The following SLC25A37 variants were observed in gnomAD, a reference collection of about 807,000 sequenced individuals.
SLC25A37 encodes the protein mitoferrin-1.
In SLC25A37, 17 loss-of-function variants were observed where a neutral mutation model predicts 31.0. That is an observed-to-expected ratio of 0.55 (90% CI 0.38 to 0.82). The LOEUF is 0.82. Ranked by LOEUF, SLC25A37 falls within the 40% of genes least tolerant of loss-of-function variation. The probability of loss-of-function intolerance (pLI) is 0.00; values close to 1 mark genes in which losing one functional copy is unlikely to be tolerated. For synonymous variants in SLC25A37, 222 were observed against 193.0 expected (o/e 1.15, Z -1.24); for missense variants, 404 against 465.8 (o/e 0.87, Z 1.22).
chr8:23,550,995 G>T (rs2978486), intron 1 of SLC25A37, among the ~76,000 whole-genome samples: 93,580 of 152,054 alleles, frequency 0.62, 30,699 homozygotes, highest in Non-Finnish European at 0.75. Flanking sequence ...CTCAGCAGCA[G>T]GGAGGGCCTT....
intron 1 of SLC25A37, among the ~76,000 whole-genome samples, chr8:23,553,754 C>T (rs1454667407): frequency 6.6e-6 from 1 of 152,186 alleles, no homozygotes; most frequent in East Asian, 1.9e-4. Context: ...ACCACTATTG[C>T]CCAGTCTTGT....
intron 1 of SLC25A37, among the ~76,000 whole-genome samples, chr8:23,533,352 A>T (rs1273533169): frequency 6.6e-6 from 1 of 152,092 alleles, no homozygotes; most frequent in African/African-American, 2.4e-5. Flanking sequence ...GAATGGGAGG[A>T]TTTAATCAGC....
rs35566152 is a variant in SLC25A37, at chr8:23,565,590, G to C, written c.211-518G>C. 8.2e-3 allele frequency among the ~76,000 whole-genome samples: 1,249 copies of C among 152,356 alleles called. 5 individuals are homozygous for C. Among genetic ancestry groups the C allele is most frequent in the Middle Eastern group, 0.02 (6 of 294 alleles). On this transcript the variant is annotated intron_variant, in intron 1 of 3. Coordinates refer to ENST00000519973, the MANE Select transcript of SLC25A37 (RefSeq NM_016612.4). ...GAGGTGACAAGGCAAGTGAGGGCTG[G>C]AGGATTTGGAGAGATTTCATGGTGT...
Position 23,566,251 on chromosome 8 carries a change from T to A in SLC25A37, c.354T>A (p.His118Gln). The part of the protein sequence containing the change: ...NVMIMGAGPA[H>Q]AMYFACYENM... Reference sequence around the variant, plus strand: ...TGATCATGGGTGCAGGGCCGGCCCATGCCATGTATTTTGCCTGCTATGAAA... The same window carrying A: ...TGATCATGGGTGCAGGGCCGGCCCAAGCCATGTATTTTGCCTGCTATGAAA... Residue 118 changes from histidine (H) to glutamine (Q), a missense_variant, in exon 2 of 4, where the codon CAT becomes CAA. His to Gln is a conservative substitution (Grantham distance 24). This residue lies in a region of SLC25A37 where 7 missense variants were observed against 27.8 expected (regional missense o/e 0.25). Transcript: ENST00000519973. The A allele has an allele frequency of 1.3e-6, 2 of 1,598,462 alleles. No homozygotes were observed. Among genetic ancestry groups the A allele is most frequent in the Non-Finnish European group, 1.7e-6 (2 of 1,174,980 alleles).
chr8:23,534,295 C>A (rs942196384), intron 1 of SLC25A37, among the ~76,000 whole-genome samples: 54 of 152,186 alleles, frequency 3.5e-4, no homozygotes, highest in Non-Finnish European at 2.8e-4. Flanking sequence ...AAAGTTCCCT[C>A]AACCTTCCCT....
In SLC25A37 at chr8:23,571,935, AT is replaced by A. The variant is rs59804560; in HGVS notation, c.*90del. On this transcript the variant is annotated 3_prime_UTR_variant, in exon 4 of 4. Coordinates refer to ENST00000519973, the MANE Select transcript of SLC25A37 (RefSeq NM_016612.4). ...CTTGCCCTCTCCTCACACGTAGATC[AT>A]TTTTTTTTTGCAGGGTGCTGCCTAT... 2,030 of 1,311,642 alleles carry A rather than the reference AT, an allele frequency of 1.5e-3. No individual in the cohort carries two copies. The highest frequency in any genetic ancestry group is 2.2e-3 in the Middle Eastern group (10 of 4,634). The allele number at this position is 1,311,642 out of a possible 1,614,324, so 81.3% of individuals were successfully genotyped here. A position where few individuals can be genotyped will look rare whatever the true frequency, so the allele number is the denominator to read the frequency against.
At chr8:23,556,652 A>G (rs1238170072) in intron 1 of SLC25A37, among the ~76,000 whole-genome samples, 1 of 151,952 alleles carries the variant, frequency 6.6e-6, no homozygotes, top group African/African-American at 2.4e-5. Context: ...GTGTGTATGT[A>G]TATGTATTAT....
At chr8:23,553,325 G>T (rs371228751) in intron 1 of SLC25A37, among the ~76,000 whole-genome samples, 1 of 152,186 alleles carries the variant, frequency 6.6e-6, no homozygotes. Context: ...AGGAGGCTGA[G>T]GCAGGAGATG....
chr8:23,551,054 A>G (rs759285887), intron 1 of SLC25A37, among the ~76,000 whole-genome samples: 6 of 152,166 alleles, frequency 3.9e-5, no homozygotes, highest in Non-Finnish European at 8.8e-5. Flanking sequence ...AGTGTCGGGA[A>G]TCTTGGCCCT....
chr8:23,550,962 T>C (rs1802208104), intron 1 of SLC25A37, among the ~76,000 whole-genome samples: 1 of 152,186 alleles, frequency 6.6e-6, no homozygotes, highest in Non-Finnish European at 1.5e-5. Context: ...CTGGTCTCCC[T>C]ATAGTTCAGA....
intron 1 of SLC25A37, among the ~76,000 whole-genome samples, chr8:23,533,040 C>T (rs774189560): frequency 6.6e-6 from 1 of 152,058 alleles, no homozygotes; most frequent in Non-Finnish European, 1.5e-5. Context: ...CCTCACATCC[C>T]CCTGCTCCCT....
Position 23,550,899 on chromosome 8 carries a change from G to A in SLC25A37, c.211-15209G>A, listed in dbSNP as rs543570950. 1.2e-3 allele frequency among the ~76,000 whole-genome samples: 188 copies of A among 152,318 alleles called. 1 individual carries two copies. The highest frequency in any genetic ancestry group is 4.4e-3 in the African/African-American group (184 of 41,576). ...GGCTGCTGTGGAGCATGGGCTTCTT[G>A]GTGCCCAGTCCTATAGCTGAACTTG... On this transcript the variant is annotated intron_variant, in intron 1 of 3. Transcript: ENST00000519973.
Position 23,529,679 on chromosome 8 carries a change from C to T in SLC25A37, c.210+467C>T, listed in dbSNP as rs62503282. ...AGCTGAGAAACGTGTGGCCCTGGCC[C>T]GGCCGCGCGCCCTCGGGACTTGGTG... On this transcript the variant is annotated intron_variant, in intron 1 of 3. Coordinates refer to ENST00000519973, the MANE Select transcript of SLC25A37 (RefSeq NM_016612.4). This position sits in a 1 kb window ranked among gnomAD's most constrained non-coding sequence, Gnocchi z 4.1. 0.11 allele frequency among the ~76,000 whole-genome samples: 16,909 copies of T among 152,176 alleles called. 1,183 individuals carry two copies. Among genetic ancestry groups the T allele is most frequent in the East Asian group, 0.27 (1,373 of 5,140 alleles).
At chr8:23,546,558 A>G (rs1007657006) in intron 1 of SLC25A37, among the ~76,000 whole-genome samples, 42 of 32,678 alleles carry the variant, frequency 1.3e-3, no homozygotes, top group Non-Finnish European at 1.8e-3. Context: ...TATATAGTGT[A>G]TATATATATA....
At chr8:23,542,576 A>G (rs569936780) in intron 1 of SLC25A37, among the ~76,000 whole-genome samples, 192 of 151,344 alleles carry the variant, frequency 1.3e-3, no homozygotes, top group Non-Finnish European at 2.3e-3. Context: ...ACAGGGTTTC[A>G]CCATGTTGGC....
rs1801866283 is a variant in SLC25A37 at position 23,540,468 on chromosome 8, A to G, written c.210+11256A>G. 2.6e-5 allele frequency among the ~76,000 whole-genome samples: 4 copies of G among 152,240 alleles called. No individual in the cohort carries two copies. In the South Asian group the frequency reaches 8.3e-4, roughly 31 times the overall value. ...TCATGGCACCCAGAAAGTGTGGCAC[A>G]GAATGCAGGGCTCTAACGTATAGTT... On this transcript the variant is annotated intron_variant, in intron 1 of 3. Transcript: ENST00000519973.
chr8:23,544,471 GACGGAGGCTTGA>G (rs1021006116), intron 1 of SLC25A37, among the ~76,000 whole-genome samples: 2 of 152,178 alleles, frequency 1.3e-5, no homozygotes, highest in African/African-American at 4.8e-5. Flanking sequence ...GCACTAAGGA[GACGGAGGCTTGA>G]CACAACCCAG....
At chr8:23,561,599 G>A (rs1413225640) in intron 1 of SLC25A37, among the ~76,000 whole-genome samples, 3 of 152,188 alleles carry the variant, frequency 2.0e-5, no homozygotes, top group African/African-American at 7.2e-5. Flanking sequence ...CTCAGGCTGG[G>A]TGGCTGTACA....
intron 1 of SLC25A37, among the ~76,000 whole-genome samples, chr8:23,553,110 G>A (rs1455075486): frequency 1.3e-5 from 2 of 152,212 alleles, no homozygotes; most frequent in Non-Finnish European, 2.9e-5. Flanking sequence ...TTCAGTGAGT[G>A]TGTCTATATA....
Sources: gnomAD v4.1 joint callset for allele counts (sites outside exome capture counted in the v4.1 genomes callset) on GRCh38, gnomAD v4.1.1 for gene constraint, gnomAD v4.1.1 regional missense constraint, Gnocchi (gnomAD v3.1) non-coding constraint, MANE v1.5 for transcripts, NCBI Gene and HGNC (gene_info 2026-07-23, HGNC 2026-07-21) for gene names.